EMG1: variants seen among roughly 807,000 people sequenced by gnomAD.
EMG1 encodes EMG1 N1-specific pseudouridine methyltransferase.
EMG1 carries 24 observed loss-of-function variants against 26.9 expected under a neutral mutation model. The observed-to-expected ratio is 0.89, with a 90% confidence interval of 0.65 to 1.26. EMG1 has a LOEUF of 1.26. Ranked by LOEUF, EMG1 falls within the 50% of genes most tolerant of loss-of-function variation. The pLI, the probability that EMG1 is intolerant of heterozygous loss-of-function variation, is 0.00. For missense variants in EMG1, 299 were observed against 307.6 expected, an observed-to-expected ratio of 0.97 and a Z score of 0.21; for synonymous variants, 140 against 112.6, an observed-to-expected ratio of 1.24 and a Z score of -1.54.
Position 6,977,602 on chromosome 12 carries a change from C to T in EMG1, c.*1793C>T, listed in dbSNP as rs1416902827. 23 of 1,614,102 alleles carry T rather than the reference C, an allele frequency of 1.4e-5. No individual in the cohort carries two copies. Among genetic ancestry groups the T allele is most frequent in the Non-Finnish European group, 1.9e-5 (23 of 1,180,048 alleles). ...ACCCCCACCCTGGAGGCCTACCTGT[C>T]TTTCCACAATAACAATGAGGAATTC... is the stretch of plus-strand genomic sequence containing the variant. On this transcript the variant is annotated 3_prime_UTR_variant, in exon 6 of 6. Transcript: ENST00000599672. The surrounding 1 kb of genome is among the most constrained non-coding windows in gnomAD (Gnocchi z 4.5).
downstream of EMG1, chr12:6,981,472 T>C (rs1026142868): frequency 1.0e-6 from 1 of 976,348 alleles, no homozygotes; most frequent in South Asian, 1.3e-5. Context: ...GAAAGGGAGA[T>C]TGCACAGGCT....
chr12:6,977,342 G>A lies in EMG1; in HGVS notation c.*1533G>A. 6.2e-7 allele frequency: 1 copy of A among 1,613,912 alleles called. No individual in the cohort carries two copies. The highest frequency in any genetic ancestry group is 8.5e-7 in the Non-Finnish European group (1 of 1,179,776). The stretch of plus-strand genomic sequence containing the variant: ...TTGAGGTTGCAGTGAGTCCCTCCCA[G>A]TCTCACAAGCAGGCCTTCACTTGCC... On this transcript the variant is annotated 3_prime_UTR_variant, in exon 6 of 6. Transcript: ENST00000599672. The surrounding 1 kb of genome is among the most constrained non-coding windows in gnomAD (Gnocchi z 4.5).
intron 1 of EMG1, among the ~76,000 whole-genome samples, chr12:6,973,949 G>C (rs1248227121): frequency 6.6e-6 from 1 of 152,270 alleles, no homozygotes; most frequent in African/African-American, 2.4e-5. Flanking sequence ...TACTGCTCCT[G>C]TAATAAACAC....
chr12:6,973,462 C>G lies in EMG1; in HGVS notation c.169-877C>G, dbSNP rs782691967. Among the ~76,000 whole-genome samples, 4 of 152,194 alleles carry G rather than the reference C, an allele frequency of 2.6e-5. No homozygotes were observed. In the South Asian group the frequency reaches 8.3e-4, roughly 32 times the overall value. ...GGATTACAGCCGTGAGCCACTGCAT[C>G]TGCCCCCATGCCCGTCTTAAAACTG... On this transcript the variant is annotated intron_variant, in intron 1 of 5. Coordinates refer to ENST00000599672, the MANE Select transcript of EMG1 (RefSeq NM_006331.8).
rs1946420277 is a variant in EMG1, at chr12:6,977,510, G to C, written c.*1701G>C. The C allele has an allele frequency of 6.2e-7, 1 of 1,614,068 alleles. No individual in the cohort carries two copies. The highest frequency in any genetic ancestry group is 1.1e-5 in the South Asian group (1 of 91,082). ...AGCTTGCTCAGGGTGGGGCTCTCTT[G>C]AATGAGCCTGGCAGCCTGGGGAGGG... is the stretch of plus-strand genomic sequence containing the variant. On this transcript the variant is annotated 3_prime_UTR_variant, in exon 6 of 6. Transcript: ENST00000599672. This position sits in a 1 kb window ranked among gnomAD's most constrained non-coding sequence, Gnocchi z 4.5.
rs782802160 is a variant in EMG1 at position 6,977,705 on chromosome 12, G to T, written c.*1896G>T. ...AATAGCAACGAGAGACCCTGAGAGA[G>T]TTCTTTATTTCCAAGGAACTTGAGT... On this transcript the variant is annotated 3_prime_UTR_variant, in exon 6 of 6. Transcript: ENST00000599672. The surrounding 1 kb of genome is among the most constrained non-coding windows in gnomAD (Gnocchi z 4.5). The T allele has an allele frequency of 9.3e-6, 15 of 1,614,092 alleles. No homozygotes were observed. In the African/African-American group the frequency reaches 1.3e-4, roughly 14 times the overall value.
downstream of EMG1, chr12:6,983,354 C>T: frequency 2.1e-6 from 2 of 944,406 alleles, no homozygotes; most frequent in Non-Finnish European, 1.7e-6. Flanking sequence ...ATTAGATTCT[C>T]TCAAGGAAAT....
rs1946446252 is a variant in EMG1 at position 6,979,379 on chromosome 12, T to C, written c.*3570T>C. 1 of 930,728 alleles carries C rather than the reference T, an allele frequency of 1.1e-6. No homozygotes were observed. The highest frequency in any genetic ancestry group is 1.6e-5 in the African/African-American group (1 of 61,252). The allele number at this position is 930,728 out of a possible 1,614,324, so 57.7% of individuals were successfully genotyped here. ...AACCAACATGCACTTGTAGATGATA[T>C]TTCCTACTTCTCTGCTATCTGTAGG... On this transcript the variant is annotated 3_prime_UTR_variant, in exon 6 of 6. Coordinates refer to ENST00000599672, the MANE Select transcript of EMG1 (RefSeq NM_006331.8).
chr12:6,988,717 C>T (rs1772438761), downstream of EMG1, among the ~76,000 whole-genome samples: 1 of 152,204 alleles, frequency 6.6e-6, no homozygotes, highest in Non-Finnish European at 1.5e-5. Context: ...GCCCCACTAA[C>T]ATCCGAATGC....
chr12:6,983,393 C>G, downstream of EMG1: 1 of 1,360,718 alleles, frequency 7.3e-7, no homozygotes. Flanking sequence ...TTCCAGGTTC[C>G]CACTAATTGC....
At chr12:6,996,919 A>G (rs1003209158) in intron 7 of EMG1, among the ~76,000 whole-genome samples, 3 of 152,200 alleles carry the variant, frequency 2.0e-5, no homozygotes, top group Non-Finnish European at 4.4e-5. Context: ...ATTCACTCCA[A>G]GAGACTGGGC....
At position 6,979,270 on chromosome 12, in the gene EMG1, C is replaced by A; in HGVS notation, c.*3461C>A. ...GTGCTAAATGTGCACCTGGCACAGC[C>A]CTGTGCCCGCGAAGGTTGTTCAGTG... On this transcript the variant is annotated 3_prime_UTR_variant, in exon 6 of 6. Coordinates refer to ENST00000599672, the MANE Select transcript of EMG1 (RefSeq NM_006331.8). The A allele has an allele frequency of 1.7e-6, 1 of 592,276 alleles. No individual in the cohort carries two copies. Among genetic ancestry groups the A allele is most frequent in the Non-Finnish European group, 3.0e-6 (1 of 332,732 alleles). The allele number at this position is 592,276 out of a possible 1,614,324, so 36.7% of individuals were successfully genotyped here.
At chr12:6,985,249 A>G (rs1306006267) in intron 6 of EMG1, among the ~76,000 whole-genome samples, 2 of 151,858 alleles carry the variant, frequency 1.3e-5, no homozygotes, top group African/African-American at 2.4e-5. Context: ...AAAAAAAATT[A>G]GCCGGGTGTG....
chr12:6,977,835 T>C lies in EMG1; in HGVS notation c.*2026T>C. On this transcript the variant is annotated 3_prime_UTR_variant, in exon 6 of 6. Transcript: ENST00000599672. This position sits in a 1 kb window ranked among gnomAD's most constrained non-coding sequence, Gnocchi z 4.5. ...CTGGGTCCTCACCCTGAGGATTGGA[T>C]TGGAGTGCTGGTGGGTTCCCACGTG... 2 of 1,513,644 alleles carry C rather than the reference T, an allele frequency of 1.3e-6. No individual in the cohort carries two copies. Among genetic ancestry groups the C allele is most frequent in the African/African-American group, 1.4e-5 (1 of 73,066 alleles). 93.8% of individuals were successfully genotyped at this position (1,513,644 alleles called of 1,614,324 possible).
rs61917872 is a variant in EMG1, at chr12:6,976,881, G to T, written c.*1072G>T. On this transcript the variant is annotated 3_prime_UTR_variant, in exon 6 of 6. Transcript: ENST00000599672. Reference sequence around the variant, plus strand: ...GACGAGTAGTTTCTGCACCAGTCCCGCACAGGCCACCTGCAAGACAAGAGG... The same window carrying T: ...GACGAGTAGTTTCTGCACCAGTCCCTCACAGGCCACCTGCAAGACAAGAGG... 64 of 424,894 alleles carry T rather than the reference G, an allele frequency of 1.5e-4. No individual in the cohort carries two copies. The highest frequency in any genetic ancestry group is 1.4e-3 in the Middle Eastern group (2 of 1,462). The allele number at this position is 424,894 out of a possible 1,614,324, so 26.3% of individuals were successfully genotyped here. A position where few individuals can be genotyped will look rare whatever the true frequency, so the allele number is the denominator to read the frequency against.
intron 7 of EMG1, among the ~76,000 whole-genome samples, chr12:6,995,473 CAAA>C (rs781835863): frequency 7.9e-6 from 1 of 126,540 alleles, no homozygotes; most frequent in Admixed American, 8.1e-5. Context: ...GACTCCGTCT[CAAA>C]AAAAAAAAAA....
chr12:6,971,902 C>T (rs782187740), intron 1 of EMG1, among the ~76,000 whole-genome samples: 1 of 152,184 alleles, frequency 6.6e-6, no homozygotes, highest in African/African-American at 2.4e-5. Context: ...TATCATTCAT[C>T]TCTTTCCCCA....
In EMG1 at chr12:6,977,725, T is replaced by C. The variant is rs782278519; in HGVS notation, c.*1916T>C. The C allele has an allele frequency of 8.1e-6, 13 of 1,614,162 alleles. No individual in the cohort carries two copies. In the South Asian group the frequency reaches 1.4e-4, roughly 18 times the overall value. On this transcript the variant is annotated 3_prime_UTR_variant, in exon 6 of 6. Transcript: ENST00000599672. This position sits in a 1 kb window ranked among gnomAD's most constrained non-coding sequence, Gnocchi z 4.5. ...AGAGAGTTCTTTATTTCCAAGGAAC[T>C]TGAGTCGTTTGAAGATGTAGCTGGA...
At chr12:6,973,587 G>A (rs956698512) in intron 1 of EMG1, among the ~76,000 whole-genome samples, 16 of 151,786 alleles carry the variant, frequency 1.1e-4, no homozygotes, top group African/African-American at 2.4e-4. Context: ...ATGGAGTCTC[G>A]CTCTGTTGCC....
Sources: gnomAD v4.1 joint callset for allele counts (sites outside exome capture counted in the v4.1 genomes callset) on GRCh38, gnomAD v4.1.1 for gene constraint, Gnocchi (gnomAD v3.1) non-coding constraint, MANE v1.5 for transcripts, NCBI Gene and HGNC (gene_info 2026-07-23, HGNC 2026-07-21) for gene names.